CWC27: variants seen among roughly 807,000 people sequenced by gnomAD.
The protein encoded by CWC27 is CWC27 spliceosome associated cyclophilin.
A neutral mutation model predicts 63.6 loss-of-function variants in CWC27; 47 were observed. The ratio of observed to expected loss-of-function variants is 0.74; its 90% CI spans 0.58 to 0.94. The LOEUF (loss-of-function observed/expected upper bound fraction) is 0.94. Among genes scored for constraint, CWC27 ranks in the 40% least tolerant of loss-of-function variants. CWC27 has a pLI of 0.00. For synonymous variants in CWC27, 175 were observed against 179.8 expected (o/e 0.97, Z 0.22); for missense variants, 495 against 554.3 (o/e 0.89, Z 1.07).
intron 11 of CWC27, among the ~76,000 whole-genome samples, chr5:64,941,709 G>A (rs1206385073): frequency 1.3e-5 from 2 of 151,950 alleles, no homozygotes; most frequent in Admixed American, 1.3e-4. Flanking sequence ...AAATGAGATT[G>A]GACGTTAAAT....
At chr5:64,872,550 A>T (rs909820113) in intron 10 of CWC27, among the ~76,000 whole-genome samples, 1 of 152,000 alleles carries the variant, frequency 6.6e-6, no homozygotes, top group Non-Finnish European at 1.5e-5. Context: ...CTTCCACCTC[A>T]TTTTTTTCTT....
At chr5:64,789,625 T>C (rs540485685) in intron 7 of CWC27, among the ~76,000 whole-genome samples, 26 of 152,100 alleles carry the variant, frequency 1.7e-4, no homozygotes, top group Non-Finnish European at 1.9e-4. Context: ...TGCTAGTCCT[T>C]CCTGTAGGCC....
intron 2 of CWC27, among the ~76,000 whole-genome samples, chr5:64,780,193 C>T (rs1048619080): frequency 1.3e-5 from 2 of 152,090 alleles, no homozygotes; most frequent in Admixed American, 1.3e-4. Context: ...TTTCACTTAG[C>T]ATGTTTTTGA....
intron 10 of CWC27, among the ~76,000 whole-genome samples, chr5:64,830,483 A>T (rs1745489512): frequency 6.6e-6 from 1 of 152,146 alleles, no homozygotes; most frequent in African/African-American, 2.4e-5. Flanking sequence ...CCCTAGAAGA[A>T]AACCTAGACA....
intron 13 of CWC27, among the ~76,000 whole-genome samples, chr5:64,990,267 T>TTTTTTTTTTTTTTTTTTTTG (rs1561181450): frequency 5.3e-4 from 10 of 18,726 alleles, no homozygotes; most frequent in South Asian, 1.4e-3. Flanking sequence ...TTTTTTTTTG[T>TTTTTTTTTTTTTTTTTTTTG]TTTTTTTTTT....
chr5:65,002,798 G>T (rs931683514), intron 13 of CWC27, among the ~76,000 whole-genome samples: 1 of 152,004 alleles, frequency 6.6e-6, no homozygotes, highest in Non-Finnish European at 1.5e-5. Flanking sequence ...TGTCTGCTGG[G>T]TTCATTTGGC....
intron 11 of CWC27, among the ~76,000 whole-genome samples, chr5:64,964,588 A>C (rs576554523): frequency 1.5e-4 from 23 of 152,366 alleles, no homozygotes; most frequent in African/African-American, 5.5e-4. Context: ...ACAAAGAAGC[A>C]TTAAGTTGCC....
At chr5:64,833,625 T>A (rs1040526573) in intron 10 of CWC27, among the ~76,000 whole-genome samples, 3 of 151,740 alleles carry the variant, frequency 2.0e-5, no homozygotes, top group Admixed American at 1.3e-4. Flanking sequence ...GTTTATGTAT[T>A]CTTTGCAACC....
intron 10 of CWC27, among the ~76,000 whole-genome samples, chr5:64,810,522 G>A (rs919667084): frequency 6.6e-6 from 1 of 152,022 alleles, no homozygotes; most frequent in African/African-American, 2.4e-5. Context: ...TGCAATCCAT[G>A]AATCCAGAAT....
chr5:64,891,475 CA>C (rs1747235251), intron 11 of CWC27, among the ~76,000 whole-genome samples: 1 of 152,034 alleles, frequency 6.6e-6, no homozygotes, highest in Non-Finnish European at 1.5e-5. Flanking sequence ...AGGTCTGTAG[CA>C]AATATGAAGA....
At chr5:64,997,723 T>G (rs1358778360) in intron 13 of CWC27, among the ~76,000 whole-genome samples, 1 of 152,058 alleles carries the variant, frequency 6.6e-6, no homozygotes, top group African/African-American at 2.4e-5. Context: ...AGGCTAGTAC[T>G]AAGAAAAAGT....
intron 2 of CWC27, among the ~76,000 whole-genome samples, chr5:64,778,825 G>T (rs1028692407): frequency 6.6e-5 from 10 of 152,154 alleles, no homozygotes; most frequent in African/African-American, 2.4e-4. Context: ...GTCTGCACTA[G>T]GGAGCTCTTG....
chr5:64,854,157 T>C (rs1431554086), intron 10 of CWC27, among the ~76,000 whole-genome samples: 3 of 152,376 alleles, frequency 2.0e-5, no homozygotes, highest in Admixed American at 2.0e-4. Flanking sequence ...TAAGGCTGGA[T>C]AACATTCCGT....
intron 11 of CWC27, among the ~76,000 whole-genome samples, chr5:64,934,570 C>T (rs1220221129): frequency 6.6e-6 from 1 of 152,110 alleles, no homozygotes; most frequent in Non-Finnish European, 1.5e-5. Context: ...CATAGGTGTG[C>T]ATATGTCTTT....
intron 10 of CWC27, among the ~76,000 whole-genome samples, chr5:64,848,774 A>G (rs1746054189): frequency 6.6e-6 from 1 of 152,236 alleles, no homozygotes; most frequent in African/African-American, 2.4e-5. Flanking sequence ...AAAGCATTTG[A>G]TAAAATTCAA....
intron 11 of CWC27, among the ~76,000 whole-genome samples, chr5:64,925,669 CA>C (rs2112395763): frequency 6.6e-6 from 1 of 152,288 alleles, no homozygotes; most frequent in South Asian, 2.1e-4. Context: ...GTGTTCATCA[CA>C]ATGGTAATAC....
intron 10 of CWC27, among the ~76,000 whole-genome samples, chr5:64,835,808 C>T (rs1051854193): frequency 1.3e-5 from 2 of 151,616 alleles, no homozygotes; most frequent in African/African-American, 4.8e-5. Flanking sequence ...ATGAAGAAAA[C>T]CACTGTATTT....
rs186426450 is a variant in CWC27 at position 64,918,561 on chromosome 5, C to T, written c.1042+33015C>T. On this transcript the variant is annotated intron_variant, in intron 11 of 13. Coordinates refer to ENST00000381070, the MANE Select transcript of CWC27 (RefSeq NM_005869.4). Reference sequence around the variant, plus strand: ...TATATACAACTGTTGTATATATATTCAAAAAGGGAAAAAAAGAAAATGGAG... The same window carrying T: ...TATATACAACTGTTGTATATATATTTAAAAAGGGAAAAAAAGAAAATGGAG... Among the ~76,000 whole-genome samples, 1,321 of 151,660 alleles carry T rather than the reference C, an allele frequency of 8.7e-3. 8 individuals are homozygous for T. The highest frequency in any genetic ancestry group is 0.015 in the Non-Finnish European group (986 of 67,908).
chr5:64,908,887 A>G lies in CWC27; in HGVS notation c.1042+23341A>G, dbSNP rs1273112288. ...TGGGGCATTTAGCCCATTTACATTT[A>G]AGGTTAATATTGTTATGTGTGAATT... On this transcript the variant is annotated intron_variant, in intron 11 of 13. Transcript: ENST00000381070. 3.3e-5 allele frequency among the ~76,000 whole-genome samples: 5 copies of G among 152,172 alleles called. No individual in the cohort carries two copies. The South Asian group carries it at 6.2e-4, about 19-fold the overall frequency.
Sources: allele counts gnomAD v4.1 joint callset (sites outside exome capture counted in the v4.1 genomes callset), GRCh38; gene constraint gnomAD v4.1.1; transcripts MANE v1.5; gene names NCBI Gene and HGNC (gene_info 2026-07-23, HGNC 2026-07-21).